ELMO1: variants seen among roughly 807,000 people sequenced by gnomAD.
ELMO1 encodes engulfment and cell motility 1.
Under a neutral mutation model 98.9 loss-of-function variants are expected in ELMO1, and 26 were observed. That is an observed-to-expected ratio of 0.26 (90% CI 0.19 to 0.36). ELMO1 has a LOEUF of 0.36. ELMO1 is among the 10% of genes least tolerant of loss of function. The pLI, the probability that ELMO1 is intolerant of heterozygous loss-of-function variation, is 1.00. For synonymous variants in ELMO1, 346 were observed against 346.0 expected, an observed-to-expected ratio of 1.00 and a Z score of 0.00; for missense variants, 627 against 935.2, an observed-to-expected ratio of 0.67 and a Z score of 4.30.
intron 15 of ELMO1, among the ~76,000 whole-genome samples, chr7:37,077,143 T>C (rs141133922): frequency 6.6e-6 from 1 of 152,336 alleles, no homozygotes; most frequent in East Asian, 1.9e-4. Flanking sequence ...AGAATTGGGA[T>C]GGAACTGATA....
intron 1 of ELMO1, among the ~76,000 whole-genome samples, chr7:37,365,429 A>G (rs1801866598): frequency 6.6e-6 from 1 of 152,202 alleles, no homozygotes; most frequent in South Asian, 2.1e-4. Context: ...TCACTGCAGA[A>G]CAGAACGGGT....
chr7:37,304,350 G>GGTGTGT (rs150089673), intron 4 of ELMO1, among the ~76,000 whole-genome samples: 1 of 151,740 alleles, frequency 6.6e-6, no homozygotes, highest in Non-Finnish European at 1.5e-5. Context: ...GGTGTGTGAG[G>GGTGTGT]GTGTGTGTGT....
chr7:36,907,518 G>C (rs1784050867), intron 16 of ELMO1, among the ~76,000 whole-genome samples: 1 of 152,206 alleles, frequency 6.6e-6, no homozygotes, highest in Non-Finnish European at 1.5e-5. Context: ...AACCTGGACA[G>C]TTCCTCAGTC....
chr7:37,258,964 A>G (rs185048957), intron 6 of ELMO1, among the ~76,000 whole-genome samples: 13 of 151,704 alleles, frequency 8.6e-5, no homozygotes, highest in African/African-American at 2.4e-4. Context: ...ATGGATTTCT[A>G]TTTTGTCTCA....
At chr7:37,122,713 T>G (rs1472671118) in intron 14 of ELMO1, among the ~76,000 whole-genome samples, 2 of 152,066 alleles carry the variant, frequency 1.3e-5, no homozygotes, top group African/African-American at 4.8e-5. Context: ...ACTGTCAACA[T>G]TAGACAGATC....
chr7:36,933,992 C>A (rs950905552), intron 16 of ELMO1, among the ~76,000 whole-genome samples: 1 of 152,152 alleles, frequency 6.6e-6, no homozygotes, highest in African/African-American at 2.4e-5. Flanking sequence ...ATGGAAAGGT[C>A]TGAAATGTGC....
At chr7:37,407,051 G>A (rs67567951) in intron 1 of ELMO1, among the ~76,000 whole-genome samples, 35,293 of 152,020 alleles carry the variant, frequency 0.23, 4,329 homozygotes, top group East Asian at 0.41. Context: ...AAAACTTACA[G>A]CTATACAAAA....
At chr7:37,428,114 G>A (rs1804785565) in intron 1 of ELMO1, among the ~76,000 whole-genome samples, 1 of 151,722 alleles carries the variant, frequency 6.6e-6, no homozygotes, top group African/African-American at 2.4e-5. Flanking sequence ...TCATTTGAAA[G>A]GAATTAATAA....
intron 1 of ELMO1, among the ~76,000 whole-genome samples, chr7:37,415,879 C>A (rs953562002): frequency 3.3e-5 from 5 of 152,172 alleles, no homozygotes; most frequent in Admixed American, 6.5e-5. Flanking sequence ...AATACCCCAA[C>A]AACTCATAAA....
chr7:36,934,040 G>C (rs980125156), intron 16 of ELMO1, among the ~76,000 whole-genome samples: 8 of 152,162 alleles, frequency 5.3e-5, no homozygotes, highest in Non-Finnish European at 1.0e-4. Flanking sequence ...AGCAGCTTTG[G>C]GTGGCTTCTG....
At chr7:37,418,959 A>G (rs951587566) in intron 1 of ELMO1, among the ~76,000 whole-genome samples, 4 of 152,114 alleles carry the variant, frequency 2.6e-5, no homozygotes, top group African/African-American at 9.7e-5. Flanking sequence ...CGAGGGAAGA[A>G]GAGCACCCAG....
At chr7:37,445,206 C>G (rs781669270) in intron 1 of ELMO1, among the ~76,000 whole-genome samples, 9 of 152,236 alleles carry the variant, frequency 5.9e-5, no homozygotes, top group Non-Finnish European at 1.3e-4. Context: ...AAGCACTTCT[C>G]TGGTTGACTA....
At chr7:37,024,389 G>C (rs1794452625) in intron 15 of ELMO1, among the ~76,000 whole-genome samples, 1 of 152,210 alleles carries the variant, frequency 6.6e-6, no homozygotes, top group South Asian at 2.1e-4. Flanking sequence ...GTGTGATAAA[G>C]TGACAACTTT....
At chr7:36,998,271 C>T (rs1033879599) in intron 16 of ELMO1, among the ~76,000 whole-genome samples, 5 of 152,136 alleles carry the variant, frequency 3.3e-5, no homozygotes, top group African/African-American at 1.2e-4. Flanking sequence ...AACAACTCAA[C>T]GACTCCTCTC....
At chr7:36,857,219 G>A (rs571930225) in intron 21 of ELMO1, among the ~76,000 whole-genome samples, 1 of 152,194 alleles carries the variant, frequency 6.6e-6, no homozygotes, top group Non-Finnish European at 1.5e-5. Context: ...TTAGTGTTAA[G>A]GGATTTCCGG....
rs541295096 is a variant in ELMO1, at chr7:36,950,010, C to T, written c.1438-54993G>A. Among the ~76,000 whole-genome samples, 15 of 152,346 alleles carry T rather than the reference C, an allele frequency of 9.8e-5. No homozygotes were observed. The South Asian group carries it at 1.2e-3, about 13-fold the overall frequency. On this transcript the variant is annotated intron_variant, in intron 16 of 21. Transcript: ENST00000310758. The stretch of plus-strand genomic sequence containing the variant: ...ATGGCTCTTTCGGTTGGAGTTCCCT[C>T]GTGCTGTGTTCGCCCCATGCTCCTA...
At chr7:36,922,592 G>A (rs1490561650) in intron 16 of ELMO1, among the ~76,000 whole-genome samples, 1 of 152,090 alleles carries the variant, frequency 6.6e-6, no homozygotes, top group Non-Finnish European at 1.5e-5. Context: ...GAAGGGAAAG[G>A]AAGGAAAACA....
intron 1 of ELMO1, among the ~76,000 whole-genome samples, chr7:37,383,452 GT>G (rs1235753012): frequency 1.3e-5 from 2 of 152,176 alleles, no homozygotes; most frequent in Non-Finnish European, 2.9e-5. Context: ...TAACAGAGAC[GT>G]TAACTTTGAC....
chr7:37,004,616 G>T (rs1036409583), intron 16 of ELMO1, among the ~76,000 whole-genome samples: 1 of 152,106 alleles, frequency 6.6e-6, no homozygotes, highest in African/African-American at 2.4e-5. Context: ...GCAAAATCTT[G>T]AACACAAAGG....
Sources: allele counts gnomAD v4.1 joint callset (sites outside exome capture counted in the v4.1 genomes callset), GRCh38; gene constraint gnomAD v4.1.1; transcripts MANE v1.5; gene names NCBI Gene and HGNC (gene_info 2026-07-23, HGNC 2026-07-21).